The following ATRN variants were observed in gnomAD, a reference collection of about 807,000 sequenced individuals.
ATRN encodes attractin, also known as attractin-2.
A neutral mutation model predicts 178.7 loss-of-function variants in ATRN; 54 were observed. The ratio of observed to expected loss-of-function variants is 0.30; its 90% CI spans 0.24 to 0.38. ATRN has a LOEUF of 0.38. Ranked by LOEUF, ATRN falls within the 10% of genes least tolerant of loss-of-function variation. The pLI is 1.00. For missense variants in ATRN, 1,443 were observed against 1,815.1 expected (o/e 0.79, Z 3.73); for synonymous variants, 636 against 663.0 (o/e 0.96, Z 0.63).
rs1404242265 is a variant in ATRN, at chr20:3,505,955, A to G, written c.411-29298A>G. On this transcript the variant is annotated intron_variant, in intron 1 of 28. Transcript: ENST00000262919. ...GAGGTATGCTGATTGTAAAAGGGCA[A>G]TATGGGGAATCCTTATAGTGTTGAA... Among the ~76,000 whole-genome samples the G allele has an allele frequency of 2.0e-5, 3 of 152,166 alleles. No homozygotes were observed. In the East Asian group the frequency reaches 5.8e-4, roughly 29 times the overall value.
At chr20:3,575,258 G>A (rs1375986469) in intron 12 of ATRN, among the ~76,000 whole-genome samples, 4 of 152,150 alleles carry the variant, frequency 2.6e-5, no homozygotes, top group African/African-American at 7.2e-5. Flanking sequence ...CACCGCATCC[G>A]GCCATGCAGC....
chr20:3,600,111 A>G (rs906497034), intron 22 of ATRN, among the ~76,000 whole-genome samples: 1 of 152,200 alleles, frequency 6.6e-6, no homozygotes, highest in Non-Finnish European at 1.5e-5. Flanking sequence ...GTTTGACCCC[A>G]GTTAAGAGAT....
At chr20:3,598,475 G>A (rs2086562588) in intron 22 of ATRN, among the ~76,000 whole-genome samples, 1 of 152,232 alleles carries the variant, frequency 6.6e-6, no homozygotes, top group Non-Finnish European at 1.5e-5. Flanking sequence ...TCTGCTCCTA[G>A]AGTGAGTTCT....
At chr20:3,572,270 T>A in intron 11 of ATRN, among the ~76,000 whole-genome samples, 1 of 152,158 alleles carries the variant, frequency 6.6e-6, no homozygotes, top group Non-Finnish European at 1.5e-5. Context: ...CATTAAAAGA[T>A]GTGAGCATAT....
At chr20:3,525,793 A>G (rs187084598) in intron 1 of ATRN, among the ~76,000 whole-genome samples, 1 of 152,348 alleles carries the variant, frequency 6.6e-6, no homozygotes, top group African/African-American at 2.4e-5. Context: ...AGAACCAATG[A>G]CAAAAACACA....
intron 2 of ATRN, among the ~76,000 whole-genome samples, chr20:3,536,714 A>G (rs1189032679): frequency 6.6e-6 from 1 of 152,230 alleles, no homozygotes; most frequent in Non-Finnish European, 1.5e-5. Context: ...GTGTAGCTTA[A>G]TAAAAGACAG....
chr20:3,591,261 A>G lies in ATRN; in HGVS notation c.3277A>G (p.Ile1093Val), dbSNP rs138168851. The G allele has an allele frequency of 5.1e-4, 828 of 1,614,076 alleles. 5 individuals carry two copies. Among genetic ancestry groups the G allele is most frequent in the Admixed American group, 7.3e-4 (44 of 60,000 alleles). ...LTTGKHCETC[I>V]SGFYGDPTNG... ...CACAGGCAAGCACTGCGAGACCTGC[A>G]TATCTGGCTTCTACGGTGATCCCAC... Residue 1093 changes from isoleucine (I) to valine (V), a missense_variant, in exon 19 of 29, where the codon ATA becomes GTA. Transcript: ENST00000262919.
intron 1 of ATRN, among the ~76,000 whole-genome samples, chr20:3,530,258 A>G (rs1292857825): frequency 6.8e-6 from 1 of 147,378 alleles, no homozygotes; most frequent in Non-Finnish European, 1.5e-5. Flanking sequence ...ATTATATATT[A>G]TATATATATG....
At chr20:3,479,078 A>T (rs1483693052) in intron 1 of ATRN, among the ~76,000 whole-genome samples, 3 of 151,928 alleles carry the variant, frequency 2.0e-5, no homozygotes, top group African/African-American at 4.8e-5. Flanking sequence ...TTTTGTAGAG[A>T]TGAGGTCTCA....
chr20:3,480,086 G>T (rs555734579), intron 1 of ATRN, among the ~76,000 whole-genome samples: 16 of 152,258 alleles, frequency 1.1e-4, no homozygotes, highest in Admixed American at 1.0e-3. Flanking sequence ...ACTTGTGAGG[G>T]GTGTAATGGA....
At chr20:3,585,041 G>T (rs1329101944) in intron 18 of ATRN, among the ~76,000 whole-genome samples, 161 bp downstream of exon 18, 1 of 152,172 alleles carries the variant, frequency 6.6e-6, no homozygotes, top group Admixed American at 6.5e-5. Flanking sequence ...CTGGTCCAAG[G>T]CCTGACCTGG....
chr20:3,536,935 C>G (rs2085541459), intron 2 of ATRN, among the ~76,000 whole-genome samples: 1 of 152,144 alleles, frequency 6.6e-6, no homozygotes, highest in South Asian at 2.1e-4. Flanking sequence ...AGTATGGAAT[C>G]TGAAACTATG....
At chr20:3,608,585 G>A (rs939615015) in intron 24 of ATRN, among the ~76,000 whole-genome samples, 7 of 152,104 alleles carry the variant, frequency 4.6e-5, no homozygotes, top group African/African-American at 1.7e-4. Context: ...TTTTATGCTG[G>A]TATCATGCTG....
intron 24 of ATRN, among the ~76,000 whole-genome samples, chr20:3,623,513 A>G (rs889769704): frequency 2.0e-5 from 3 of 152,166 alleles, no homozygotes; most frequent in African/African-American, 7.2e-5. Flanking sequence ...GTCTGGCTCT[A>G]AAAACAGTGC....
chr20:3,625,256 G>T (rs1484071041), intron 25 of ATRN, among the ~76,000 whole-genome samples: 1 of 152,060 alleles, frequency 6.6e-6, no homozygotes. Flanking sequence ...AGGATATACT[G>T]TGTTACATGG....
chr20:3,555,662 C>T lies in ATRN; in HGVS notation c.1113-3731C>T, dbSNP rs1462769228. On this transcript the variant is annotated intron_variant, in intron 6 of 28. Transcript: ENST00000262919. Reference sequence around the variant, plus strand: ...TTAGACTTCAGAAGAGTAGATAGAACATAAAATACCAGCCCTCACACTAAA... The same window carrying T: ...TTAGACTTCAGAAGAGTAGATAGAATATAAAATACCAGCCCTCACACTAAA... Among the ~76,000 whole-genome samples, 8 of 152,232 alleles carry T rather than the reference C, an allele frequency of 5.3e-5. No individual in the cohort carries two copies. In the East Asian group the frequency reaches 1.2e-3, roughly 22 times the overall value.
intron 18 of ATRN, 44 bp from the exon 19 acceptor site, chr20:3,591,125 A>G (rs751757987): frequency 1.3e-6 from 2 of 1,516,150 alleles, no homozygotes; most frequent in Non-Finnish European, 8.9e-7. Context: ...AACTACATGC[A>G]GTTCTTCCAT....
chr20:3,558,228 A>G (rs1235862388), intron 6 of ATRN, among the ~76,000 whole-genome samples: 1 of 152,196 alleles, frequency 6.6e-6, no homozygotes, highest in Non-Finnish European at 1.5e-5. Flanking sequence ...TTATAGAAAC[A>G]ATATTCTGCA....
intron 24 of ATRN, among the ~76,000 whole-genome samples, chr20:3,614,947 T>C (rs766397614): frequency 2.0e-5 from 3 of 152,228 alleles, no homozygotes; most frequent in Non-Finnish European, 4.4e-5. Flanking sequence ...TCAGTACTTA[T>C]TCCTTGTCAT....
Sources: allele counts gnomAD v4.1 joint callset (sites outside exome capture counted in the v4.1 genomes callset), GRCh38; gene constraint gnomAD v4.1.1; transcripts MANE v1.5; gene names NCBI Gene and HGNC (gene_info 2026-07-23, HGNC 2026-07-21).